Variants in HNRNPUL1 observed in about 807,000 individuals in gnomAD.
HNRNPUL1 encodes the protein heterogeneous nuclear ribonucleoprotein U like 1, also known as heterogeneous nuclear ribonucleoprotein U-like protein 1.
In HNRNPUL1, 14 loss-of-function variants were observed where a neutral mutation model predicts 108.5. The observed-to-expected ratio is 0.13, with a 90% CI of 0.09 to 0.20. The LOEUF (loss-of-function observed/expected upper bound fraction) is 0.20. Ranked by LOEUF, HNRNPUL1 falls within the 10% of genes least tolerant of loss-of-function variation. The probability of loss-of-function intolerance (pLI) is 1.00; values close to 1 mark genes in which losing one functional copy is unlikely to be tolerated. For missense variants in HNRNPUL1, 804 were observed against 1,168.3 expected (o/e 0.69, Z 4.55); for synonymous variants, 422 against 445.2 (o/e 0.95, Z 0.66).
chr19:41,274,737 A>G (rs2035448185), intron 4 of HNRNPUL1, among the ~76,000 whole-genome samples: 1 of 152,260 alleles, frequency 6.6e-6, no homozygotes, highest in South Asian at 2.1e-4. Context: ...TGCACTTCTC[A>G]ACAGAGCAGA....
chr19:41,294,773 TCC>T lies in HNRNPUL1; in HGVS notation c.1518+91_1518+92del. The stretch of plus-strand genomic sequence containing the variant: ...ATCTCCCTCTGGTCCCTTTCTTTTT[TCC>T]CCCGTAATGATGATGGACTGCTGTG... On this transcript the variant is annotated intron_variant, in intron 10 of 14. Transcript: ENST00000392006. This position sits in a 1 kb window ranked among gnomAD's most constrained non-coding sequence, Gnocchi z 4.3. 2 of 1,514,980 alleles carry T rather than the reference TCC, an allele frequency of 1.3e-6. No individual in the cohort carries two copies. The highest frequency in any genetic ancestry group is 1.8e-6 in the Non-Finnish European group (2 of 1,098,400). The allele number at this position is 1,514,980 out of a possible 1,614,324, so 93.8% of individuals were successfully genotyped here.
At chr19:41,296,410 T>G (rs1003756071) in intron 10 of HNRNPUL1, among the ~76,000 whole-genome samples, 2 of 152,148 alleles carry the variant, frequency 1.3e-5, no homozygotes, top group Admixed American at 6.5e-5. Context: ...AAGGGACATG[T>G]GGGTCAGGCC....
chr19:41,271,408 C>A (rs568721477), intron 2 of HNRNPUL1, among the ~76,000 whole-genome samples: 8 of 152,334 alleles, frequency 5.3e-5, no homozygotes, highest in African/African-American at 1.9e-4. Context: ...CCCTAGAGAA[C>A]CAGGAGACTT....
intron 10 of HNRNPUL1, chr19:41,298,927 CAA>C (rs34555625): frequency 3.7e-5 from 5 of 135,970 alleles, no homozygotes; most frequent in Admixed American, 7.4e-5. Flanking sequence ...CACTTAGGGG[CAA>C]AAAAAAAAAA....
At chr19:41,293,167 TTGTATG>T (rs929474661) in intron 8 of HNRNPUL1, among the ~76,000 whole-genome samples, 6 of 152,226 alleles carry the variant, frequency 3.9e-5, no homozygotes, top group African/African-American at 1.4e-4. Flanking sequence ...AATATTTTTC[TTGTATG>T]TGTAAGTTAT....
At chr19:41,281,113 T>G in intron 6 of HNRNPUL1, 50 bp from the exon 7 acceptor site, 1 of 1,144,502 alleles carries the variant, frequency 8.7e-7, no homozygotes, top group Non-Finnish European at 1.3e-6. Flanking sequence ...CCATTGAGGC[T>G]GTTATGACCA....
At chr19:41,275,780 CT>C (rs2035515903) in intron 4 of HNRNPUL1, among the ~76,000 whole-genome samples, 2 of 152,150 alleles carry the variant, frequency 1.3e-5, no homozygotes, top group Admixed American at 6.5e-5. Flanking sequence ...GGGAAGTTCC[CT>C]CTGCCTGCTT....
chr19:41,302,859 C>T lies in HNRNPUL1; in HGVS notation c.1882C>T (p.Arg628Cys), dbSNP rs772364424. ...RGRGGGGGFQ[R>C]YENRGPPGGN... is the part of the protein sequence containing the mutation. ...CCGCGGGGGTGGTGGTGGCTTCCAG[C>T]GCTATGAAAACCGAGGACCCCCTGG... The change falls in exon 12 of 15, where the codon CGC becomes TGC. Residue 628 changes from arginine (R) to cysteine (C), a missense_variant. By Grantham distance (180) the Arg-to-Cys change is radical. This residue lies in a region of HNRNPUL1 where 294 missense variants were observed against 388.3 expected (regional missense o/e 0.76). Transcript: ENST00000392006. 27 of 1,576,868 alleles carry T rather than the reference C, an allele frequency of 1.7e-5. No individual in the cohort carries two copies. The highest frequency in any genetic ancestry group is 3.6e-5 in the Admixed American group (2 of 55,780).
chr19:41,299,494 T>C (rs563397161), intron 10 of HNRNPUL1, among the ~76,000 whole-genome samples: 12 of 152,294 alleles, frequency 7.9e-5, no homozygotes, highest in East Asian at 5.8e-4. Context: ...GTATTTTCCA[T>C]TGGGAAGCCT....
At chr19:41,297,893 T>C (rs960511961) in intron 10 of HNRNPUL1, among the ~76,000 whole-genome samples, 2 of 152,160 alleles carry the variant, frequency 1.3e-5, no homozygotes, top group African/African-American at 4.8e-5. Flanking sequence ...TTTGCAGGCC[T>C]TGGAGGAAGG....
At chr19:41,282,675 T>C (rs577445035) in intron 7 of HNRNPUL1, among the ~76,000 whole-genome samples, 43 of 152,002 alleles carry the variant, frequency 2.8e-4, no homozygotes, top group Non-Finnish European at 4.6e-4. Flanking sequence ...CTTATGTGCA[T>C]ATTTTTTTCT....
intron 2 of HNRNPUL1, among the ~76,000 whole-genome samples, chr19:41,271,357 A>G (rs1234740575): frequency 1.3e-5 from 2 of 152,228 alleles, no homozygotes; most frequent in Admixed American, 6.5e-5. Flanking sequence ...ATTGCTGGGA[A>G]CCAGGGAAGC....
chr19:41,306,367 C>A, intron 14 of HNRNPUL1, 82 bp from the exon 15 acceptor site: 1 of 870,502 alleles, frequency 1.1e-6, no homozygotes, highest in Non-Finnish European at 1.8e-6. Context: ...CTGTCTCTGC[C>A]CTAGGTGAGG....
At chr19:41,279,237 T>C in intron 6 of HNRNPUL1, 61 bp downstream of exon 6, 1 of 1,169,876 alleles carries the variant, frequency 8.5e-7, no homozygotes, top group Non-Finnish European at 1.3e-6. Flanking sequence ...CCTTGGATTT[T>C]CAAGGCTCCT....
chr19:41,294,507 G>T lies in HNRNPUL1; in HGVS notation c.1389+47G>T. 1 of 1,613,824 alleles carries T rather than the reference G, an allele frequency of 6.2e-7. No homozygotes were observed. Among genetic ancestry groups the T allele is most frequent in the Non-Finnish European group, 8.5e-7 (1 of 1,179,740 alleles). On this transcript the variant is annotated intron_variant, in intron 9 of 14. Transcript: ENST00000392006. The surrounding 1 kb of genome is among the most constrained non-coding windows in gnomAD (Gnocchi z 4.3). Reference sequence around the variant, plus strand: ...TCCTTACTCACCTCCAACCTACTGAGTGCTGCCCTGCAACTAAAATCACTC... The same window carrying T: ...TCCTTACTCACCTCCAACCTACTGATTGCTGCCCTGCAACTAAAATCACTC...
At chr19:41,274,113 GTCTTGACCT>G in intron 4 of HNRNPUL1, 58 bp downstream of exon 4, 1 of 1,406,656 alleles carries the variant, frequency 7.1e-7, no homozygotes, top group Non-Finnish European at 1.0e-6. Context: ...GGAAATTGTG[GTCTTGACCT>G]TCACCAGAAT....
chr19:41,290,806 C>T (rs1397853441), intron 7 of HNRNPUL1, among the ~76,000 whole-genome samples: 2 of 152,152 alleles, frequency 1.3e-5, no homozygotes, highest in Non-Finnish European at 2.9e-5. Flanking sequence ...CCTGTAATCC[C>T]AGCACTTTGG....
intron 8 of HNRNPUL1, among the ~76,000 whole-genome samples, chr19:41,293,454 C>G (rs1335874873): frequency 6.6e-6 from 1 of 152,186 alleles, no homozygotes; most frequent in Non-Finnish European, 1.5e-5. Context: ...AAAAATCCTT[C>G]AAGGGAATGA....
chr19:41,297,670 A>C (rs548140061), intron 10 of HNRNPUL1, among the ~76,000 whole-genome samples: 2 of 152,314 alleles, frequency 1.3e-5, no homozygotes, highest in South Asian at 4.1e-4. Context: ...AGCCCACCCC[A>C]GAGTAGGGCA....
Sources: gnomAD v4.1 joint callset for allele counts (sites outside exome capture counted in the v4.1 genomes callset) on GRCh38, gnomAD v4.1.1 for gene constraint, gnomAD v4.1.1 regional missense constraint, Gnocchi (gnomAD v3.1) non-coding constraint, MANE v1.5 for transcripts, NCBI Gene and HGNC (gene_info 2026-07-23, HGNC 2026-07-21) for gene names.